The following CAMTA1 variants were observed in gnomAD, a reference collection of about 807,000 sequenced individuals.
CAMTA1 encodes the protein calmodulin binding transcription activator 1.
A neutral mutation model predicts 170.9 loss-of-function variants in CAMTA1; 27 were observed. The observed-to-expected ratio is 0.16, with a 90% CI of 0.12 to 0.22. The LOEUF (loss-of-function observed/expected upper bound fraction) is 0.22. Among genes scored for constraint, CAMTA1 ranks in the 10% least tolerant of loss-of-function variants. The pLI is 1.00. For synonymous variants in CAMTA1, 833 were observed against 891.5 expected, an observed-to-expected ratio of 0.93 and a Z score of 1.17; for missense variants, 1,619 against 2,217.2, an observed-to-expected ratio of 0.73 and a Z score of 5.42.
chr1:6,892,503 C>T (rs749163562), intron 3 of CAMTA1, among the ~76,000 whole-genome samples: 5 of 152,022 alleles, frequency 3.3e-5, no homozygotes, highest in Non-Finnish European at 7.4e-5. Context: ...GATAAATGGG[C>T]CAGGTTCTTG....
intron 5 of CAMTA1, among the ~76,000 whole-genome samples, chr1:7,372,610 T>C (rs1326123372): frequency 6.6e-6 from 1 of 152,182 alleles, no homozygotes; most frequent in African/African-American, 2.4e-5. Context: ...ATCAACTTCA[T>C]CACCGTCAGT....
intron 3 of CAMTA1, among the ~76,000 whole-genome samples, chr1:6,894,315 A>C (rs1675189992): frequency 6.6e-6 from 1 of 152,250 alleles, no homozygotes; most frequent in Admixed American, 6.5e-5. Context: ...TGAACCCAGT[A>C]AAAATAGCAT....
intron 6 of CAMTA1, among the ~76,000 whole-genome samples, chr1:7,631,403 C>G (rs2095667880): frequency 6.6e-6 from 1 of 152,202 alleles, no homozygotes; most frequent in South Asian, 2.1e-4. Flanking sequence ...AGGGCTGGCA[C>G]CCAGAGACTC....
intron 5 of CAMTA1, among the ~76,000 whole-genome samples, chr1:7,462,294 C>T (rs1463256532): frequency 6.6e-6 from 1 of 151,760 alleles, no homozygotes; most frequent in Non-Finnish European, 1.5e-5. Flanking sequence ...GAGATGGAGT[C>T]TCACTCTGTT....
chr1:7,511,209 A>T (rs2094197889), intron 6 of CAMTA1, among the ~76,000 whole-genome samples: 2 of 145,172 alleles, frequency 1.4e-5, no homozygotes. Context: ...CAGTTAAGCC[A>T]GGATAATGCA....
At chr1:7,518,006 T>C (rs972139487) in intron 6 of CAMTA1, among the ~76,000 whole-genome samples, 5 of 151,874 alleles carry the variant, frequency 3.3e-5, no homozygotes, top group Non-Finnish European at 7.4e-5. Flanking sequence ...CCAGCCTAGA[T>C]AAGAGGGCCA....
chr1:6,804,586 A>G (rs935976890), intron 1 of CAMTA1, among the ~76,000 whole-genome samples: 1 of 152,148 alleles, frequency 6.6e-6, no homozygotes, highest in Non-Finnish European at 1.5e-5. Flanking sequence ...AACATTTCAT[A>G]TAAATAGAAT....
At chr1:7,381,911 G>A (rs940363987) in intron 5 of CAMTA1, among the ~76,000 whole-genome samples, 3 of 152,090 alleles carry the variant, frequency 2.0e-5, no homozygotes, top group African/African-American at 4.8e-5. Flanking sequence ...GCCAGTGATG[G>A]TGATTTTTCT....
chr1:6,840,368 C>G (rs1307640832), intron 3 of CAMTA1, among the ~76,000 whole-genome samples: 1 of 152,096 alleles, frequency 6.6e-6, no homozygotes, highest in Non-Finnish European at 1.5e-5. Flanking sequence ...GTTGCGATAA[C>G]TGGTGATCTT....
intron 5 of CAMTA1, among the ~76,000 whole-genome samples, chr1:7,412,332 A>G (rs1232404108): frequency 1.3e-5 from 2 of 151,824 alleles, no homozygotes; most frequent in African/African-American, 4.8e-5. Context: ...AGGAATCGCC[A>G]CACTGACTTC....
At chr1:7,301,884 G>C (rs111763047) in intron 5 of CAMTA1, among the ~76,000 whole-genome samples, 4 of 152,132 alleles carry the variant, frequency 2.6e-5, no homozygotes, top group Non-Finnish European at 5.9e-5. Flanking sequence ...GCTCTGGAAC[G>C]GGCTGCAGGC....
chr1:7,541,193 C>T (rs977625140), intron 6 of CAMTA1, among the ~76,000 whole-genome samples: 2 of 152,364 alleles, frequency 1.3e-5, no homozygotes, highest in South Asian at 2.1e-4. Flanking sequence ...CCCTCCATGT[C>T]CTCACGTTTT....
Position 7,064,828 on chromosome 1 carries a change from T to C in CAMTA1, c.235-26476T>C, listed in dbSNP as rs1708758847. On this transcript the variant is annotated intron_variant, in intron 3 of 22. Transcript: ENST00000303635. The surrounding 1 kb of genome is among the most constrained non-coding windows in gnomAD (Gnocchi z 5.4). ...TCCATGGATGTATTCTGAGGTCCTG[T>C]TGGTCTAGGAGCTGGTTGGGTGACT... Among the ~76,000 whole-genome samples, 1 of 151,984 alleles carries C rather than the reference T, an allele frequency of 6.6e-6. No homozygotes were observed. The highest frequency in any genetic ancestry group is 2.1e-4 in the South Asian group (1 of 4,796).
chr1:6,854,335 T>C (rs760161553), intron 3 of CAMTA1, among the ~76,000 whole-genome samples: 15 of 152,314 alleles, frequency 9.8e-5, no homozygotes, highest in Middle Eastern at 3.4e-3. Context: ...CCAGGGGCAA[T>C]AGGATATACC....
At chr1:7,697,328 A>G (rs1397773408) in intron 11 of CAMTA1, among the ~76,000 whole-genome samples, 2 of 152,140 alleles carry the variant, frequency 1.3e-5, no homozygotes, top group African/African-American at 2.4e-5. Flanking sequence ...CGTATTCCAG[A>G]TCTTTCCATC....
At chr1:6,870,729 C>T (rs898238064) in intron 3 of CAMTA1, among the ~76,000 whole-genome samples, 5 of 152,118 alleles carry the variant, frequency 3.3e-5, no homozygotes, top group Admixed American at 1.3e-4. Context: ...CTGCCATTTA[C>T]TCTTCTGTAT....
At chr1:7,393,632 A>G (rs1401287853) in intron 5 of CAMTA1, among the ~76,000 whole-genome samples, 1 of 152,292 alleles carries the variant, frequency 6.6e-6, no homozygotes, top group East Asian at 1.9e-4. Flanking sequence ...TGACACATGT[A>G]TACATTGTGT....
intron 5 of CAMTA1, among the ~76,000 whole-genome samples, chr1:7,408,711 G>A (rs781003613): frequency 2.6e-5 from 4 of 152,190 alleles, no homozygotes; most frequent in Admixed American, 6.5e-5. Context: ...GGCGCCAGGC[G>A]GCCTGGGTCC....
At chr1:7,094,618 T>C (rs1346773551) in intron 4 of CAMTA1, among the ~76,000 whole-genome samples, 1 of 152,152 alleles carries the variant, frequency 6.6e-6, no homozygotes, top group Non-Finnish European at 1.5e-5. Context: ...GTTATAAATA[T>C]AGTCCTTGCT....
Sources: gnomAD v4.1 joint callset for allele counts (sites outside exome capture counted in the v4.1 genomes callset) on GRCh38, gnomAD v4.1.1 for gene constraint, Gnocchi (gnomAD v3.1) non-coding constraint, MANE v1.5 for transcripts, NCBI Gene and HGNC (gene_info 2026-07-23, HGNC 2026-07-21) for gene names.